FKBP9: variants seen among roughly 807,000 people sequenced by gnomAD.
The protein encoded by FKBP9 is FKBP prolyl isomerase 9.
In FKBP9, 27 loss-of-function variants were observed where a neutral mutation model predicts 55.6. That is an observed-to-expected ratio of 0.49 (90% CI 0.36 to 0.67). The LOEUF is 0.67. Ranked by LOEUF, FKBP9 falls within the 30% of genes least tolerant of loss-of-function variation. The pLI is 0.00. For missense variants in FKBP9, 539 were observed against 742.8 expected (o/e 0.73, Z 3.19); for synonymous variants, 267 against 296.5 (o/e 0.90, Z 1.02).
chr7:32,990,396 C>T (rs1452865118), intron 6 of FKBP9, among the ~76,000 whole-genome samples: 1 of 152,180 alleles, frequency 6.6e-6, no homozygotes, highest in Non-Finnish European at 1.5e-5. Context: ...GAACATATCC[C>T]TAACAATACC....
rs548660503 is a variant in FKBP9, at chr7:32,985,714, C to T, written c.894-2793C>T. On this transcript the variant is annotated intron_variant, in intron 5 of 9. Coordinates refer to ENST00000242209, the MANE Select transcript of FKBP9 (RefSeq NM_007270.5). ...TTGGGCCAGCTGTGGTGGCTTAGGC[C>T]AGGCACGATGGCTTACACCTGTAAT... Among the ~76,000 whole-genome samples, 9 of 152,194 alleles carry T rather than the reference C, an allele frequency of 5.9e-5. No homozygotes were observed. In the South Asian group the frequency reaches 1.9e-3, roughly 32 times the overall value.
At chr7:32,975,129 T>C in intron 2 of FKBP9, 53 bp from the exon 3 acceptor site, 1 of 1,464,068 alleles carries the variant, frequency 6.8e-7, no homozygotes, top group Non-Finnish European at 9.5e-7. Context: ...TGTTTATTTA[T>C]CTGGCCTGAA....
Position 32,974,714 on chromosome 7 carries a change from C to A in FKBP9, c.319C>A (p.Arg107Ser). 1 of 1,613,904 alleles carries A rather than the reference C, an allele frequency of 6.2e-7. No individual in the cohort carries two copies. Among genetic ancestry groups the A allele is most frequent in the Non-Finnish European group, 8.5e-7 (1 of 1,179,844 alleles). ...TGTTGGGATGTGCGTAAACGAGAGA[C>A]GTTTCGTGAAGATTCCCCCAAAGCT... Reference protein sequence around the residue: ...ALVGMCVNERRFVKIPPKLAY... With the variant: ...ALVGMCVNERSFVKIPPKLAY... The change falls in exon 2 of 10, where the codon CGT becomes AGT. Residue 107 changes from arginine to serine, a missense_variant. This residue lies in a region of FKBP9 where 236 missense variants were observed against 271.5 expected (regional missense o/e 0.87). Transcript: ENST00000242209.
intron 5 of FKBP9, among the ~76,000 whole-genome samples, chr7:32,986,917 G>T (rs1784590690): frequency 6.6e-6 from 1 of 152,194 alleles, no homozygotes; most frequent in Admixed American, 6.5e-5. Flanking sequence ...TAGTGGACTT[G>T]TGGCATATGA....
At chr7:32,979,462 T>A in intron 4 of FKBP9, 2 of 1,482,950 alleles carry the variant, frequency 1.3e-6, no homozygotes, top group East Asian at 2.5e-5. Context: ...ATTTCATCAT[T>A]CCTTGGATGG....
At chr7:32,998,030 G>A (rs936601904) in intron 7 of FKBP9, among the ~76,000 whole-genome samples, 1 of 152,142 alleles carries the variant, frequency 6.6e-6, no homozygotes, top group Admixed American at 6.5e-5. Flanking sequence ...ATTATAGAAA[G>A]GTTAAACTGT....
chr7:32,978,173 C>T lies in FKBP9; in HGVS notation c.703+1674C>T, dbSNP rs541567152. 1.4e-4 allele frequency among the ~76,000 whole-genome samples: 21 copies of T among 151,944 alleles called. No homozygotes were observed. In the South Asian group the frequency reaches 3.1e-3, roughly 23 times the overall value. On this transcript the variant is annotated intron_variant, in intron 4 of 9. Transcript: ENST00000242209. Reference sequence around the variant, plus strand: ...CTGAGGTCAAGCCATCCATCCACCTCGGCCTCCCAAAGTGCTGGGATTACA... The same window carrying T: ...CTGAGGTCAAGCCATCCATCCACCTTGGCCTCCCAAAGTGCTGGGATTACA...
In FKBP9 at chr7:33,005,618, T is replaced by C. The variant is rs1231758174; in HGVS notation, c.*267T>C. 5 of 375,616 alleles carry C rather than the reference T, an allele frequency of 1.3e-5. No individual in the cohort carries two copies. The highest frequency in any genetic ancestry group is 2.4e-5 in the Non-Finnish European group (5 of 206,306). The allele number at this position is 375,616 out of a possible 1,614,324, so 23.3% of individuals were successfully genotyped here. A position where few individuals can be genotyped will look rare whatever the true frequency, so the allele number is the denominator to read the frequency against. On this transcript the variant is annotated 3_prime_UTR_variant, in exon 10 of 10. Transcript: ENST00000242209. ...ATTGAAAAGGCTGCACTGCCAACCA[T>C]GATTTGTGAGCCTTCTGGGAAATTT...
At chr7:32,977,839 A>G (rs573090633) in intron 4 of FKBP9, among the ~76,000 whole-genome samples, 1 of 143,690 alleles carries the variant, frequency 7.0e-6, no homozygotes, top group East Asian at 2.0e-4. Context: ...GCCCATATAT[A>G]TATATACACT....
chr7:32,958,734 C>A (rs1294508331), intron 1 of FKBP9, among the ~76,000 whole-genome samples: 1 of 152,148 alleles, frequency 6.6e-6, no homozygotes, highest in African/African-American at 2.4e-5. Flanking sequence ...TATACCAGGC[C>A]CTATATCAAG....
intron 6 of FKBP9, chr7:32,992,840 CAG>C (rs1350647583): frequency 4.4e-6 from 1 of 229,584 alleles, no homozygotes; most frequent in Admixed American, 5.7e-5. Context: ...CCTACGCACA[CAG>C]AGAGTGTTTC....
intron 1 of FKBP9, among the ~76,000 whole-genome samples, chr7:32,968,002 A>G (rs1784179429): frequency 6.6e-6 from 1 of 152,144 alleles, no homozygotes; most frequent in South Asian, 2.1e-4. Flanking sequence ...TGATCCACCC[A>G]CCTCAGCCTC....
chr7:32,973,188 C>T (rs1345898906), intron 1 of FKBP9, among the ~76,000 whole-genome samples: 1 of 152,092 alleles, frequency 6.6e-6, no homozygotes, highest in East Asian at 1.9e-4. Context: ...TACTTTATAT[C>T]CCCCAAAGCA....
At chr7:32,966,210 A>G (rs1784144697) in intron 1 of FKBP9, among the ~76,000 whole-genome samples, 1 of 138,796 alleles carries the variant, frequency 7.2e-6, no homozygotes, top group Admixed American at 7.3e-5. Context: ...AAAAAAGAAT[A>G]TAGCCATGAG....
intron 1 of FKBP9, among the ~76,000 whole-genome samples, chr7:32,963,955 A>C (rs1038667351): frequency 2.6e-5 from 4 of 152,236 alleles, no homozygotes; most frequent in African/African-American, 9.6e-5. Flanking sequence ...CCCTTTCAGC[A>C]GGACTGGTCC....
At chr7:32,971,440 T>TCTTTCTTC (rs1056964858) in intron 1 of FKBP9, among the ~76,000 whole-genome samples, 4 of 152,080 alleles carry the variant, frequency 2.6e-5, no homozygotes, top group African/African-American at 4.8e-5. Flanking sequence ...AACAACTCTT[T>TCTTTCTTC]CTTTCTTCCT....
chr7:32,986,327 C>T (rs1784575575), intron 5 of FKBP9, among the ~76,000 whole-genome samples: 1 of 152,248 alleles, frequency 6.6e-6, no homozygotes. Context: ...TCTCTCACTA[C>T]TTGGTGTCCC....
intron 4 of FKBP9, chr7:32,979,338 A>T: frequency 3.3e-6 from 2 of 613,300 alleles, no homozygotes; most frequent in Non-Finnish European, 5.8e-6. Flanking sequence ...TTTCTCTTAA[A>T]TGAAAAGATA....
chr7:32,980,636 T>C (rs1784458948), intron 5 of FKBP9, 83 bp downstream of exon 5: 3 of 1,553,986 alleles, frequency 1.9e-6, no homozygotes, highest in Non-Finnish European at 8.7e-7. Flanking sequence ...ATTTAAATAC[T>C]CTGTCCATGC....
Sources: gnomAD v4.1 joint callset for allele counts (sites outside exome capture counted in the v4.1 genomes callset) on GRCh38, gnomAD v4.1.1 for gene constraint, gnomAD v4.1.1 regional missense constraint, MANE v1.5 for transcripts, NCBI Gene and HGNC (gene_info 2026-07-23, HGNC 2026-07-21) for gene names.